Variants in TBL1XR1 observed in about 807,000 individuals in gnomAD.
TBL1XR1 encodes F-box-like/WD repeat-containing protein TBL1XR1.
Under a neutral mutation model 66.9 loss-of-function variants are expected in TBL1XR1, and 5 were observed. That is an observed-to-expected ratio of 0.07 (90% confidence interval 0.04 to 0.16). The LOEUF (loss-of-function observed/expected upper bound fraction) is 0.16. Ranked by LOEUF, TBL1XR1 falls within the 10% of genes least tolerant of loss-of-function variation. The pLI, the probability that TBL1XR1 is intolerant of heterozygous loss-of-function variation, is 1.00. For missense variants in TBL1XR1, 238 were observed against 623.2 expected (o/e 0.38, Z 6.58); for synonymous variants, 210 against 206.0 (o/e 1.02, Z -0.17).
intron 1 of TBL1XR1, among the ~76,000 whole-genome samples, chr3:177,146,576 C>T (rs1366201908): frequency 5.3e-4 from 17 of 32,176 alleles, no homozygotes; most frequent in Admixed American, 3.4e-3. Flanking sequence ...GGCAGCTGAG[C>T]GAGACTCCAT....
intron 1 of TBL1XR1, among the ~76,000 whole-genome samples, chr3:177,163,485 G>A (rs1732460097): frequency 6.6e-6 from 1 of 151,718 alleles, no homozygotes. Context: ...ATCCAGCCTG[G>A]GCAACAAGAG....
At position 177,149,160 on chromosome 3, in the gene TBL1XR1, G is replaced by A. The variant is rs546416233; in HGVS notation, c.-122+47961C>T. ...CAACAGCCAATGCTAGCCATTTCCCGGTGATTGCAATGCGGAGTACCTGTC... is the reference window on the plus strand; with the variant it reads ...CAACAGCCAATGCTAGCCATTTCCCAGTGATTGCAATGCGGAGTACCTGTC... On this transcript the variant is annotated intron_variant, in intron 1 of 15. Coordinates refer to ENST00000457928, the MANE Select transcript of TBL1XR1 (RefSeq NM_024665.7). Among the ~76,000 whole-genome samples, 27 of 152,288 alleles carry A rather than the reference G, an allele frequency of 1.8e-4. No individual in the cohort carries two copies. In the South Asian group the frequency reaches 2.3e-3, roughly 13 times the overall value.
At chr3:177,089,795 AATCT>A (rs1389040002) in intron 2 of TBL1XR1, among the ~76,000 whole-genome samples, 6 of 152,344 alleles carry the variant, frequency 3.9e-5, no homozygotes, top group South Asian at 2.1e-4. Flanking sequence ...GGAAAATAAG[AATCT>A]ATCTGTGGAA....
At chr3:177,168,283 CTTTT>C (rs11307636) in intron 1 of TBL1XR1, among the ~76,000 whole-genome samples, 1 of 142,780 alleles carries the variant, frequency 7.0e-6, no homozygotes, top group Non-Finnish European at 1.5e-5. Context: ...GGAAATAAAC[CTTTT>C]TTTTTTTTTT....
chr3:177,131,453 A>T (rs909086870), intron 1 of TBL1XR1: 1 of 913,870 alleles, frequency 1.1e-6, no homozygotes, highest in Non-Finnish European at 1.3e-6. Flanking sequence ...CCCACACCTA[A>T]AAGTTGAGAA....
intron 1 of TBL1XR1, among the ~76,000 whole-genome samples, chr3:177,124,685 A>G (rs747136517): frequency 6.6e-6 from 1 of 152,112 alleles, no homozygotes; most frequent in Non-Finnish European, 1.5e-5. Context: ...AAGGGAACAC[A>G]GTGCTTAACT....
intron 1 of TBL1XR1, among the ~76,000 whole-genome samples, chr3:177,189,178 A>G (rs1735806123): frequency 6.6e-6 from 1 of 151,544 alleles, no homozygotes; most frequent in African/African-American, 2.4e-5. Context: ...ACTGCACTCC[A>G]GCTTAGGCAA....
chr3:177,038,383 C>A lies in TBL1XR1; in HGVS notation c.977G>T (p.Ser326Ile), dbSNP rs1135401760. ...ACAGACATGAATGCACATATCTGTACTACAAGAAGCAAAGGTGTTGTTGCT... is the reference window on the plus strand; with the variant it reads ...ACAGACATGAATGCACATATCTGTAATACAAGAAGCAAAGGTGTTGTTGCT... ...WQSNNTFASC[S>I]TDMCIHVCKL... Residue 326 changes from serine (S) to isoleucine (I), a missense_variant, in exon 11 of 16, where the codon AGT becomes ATT. By Grantham distance (142) the Ser-to-Ile change is moderately radical (BLOSUM62 -2). Transcript: ENST00000457928. 1 of 1,580,632 alleles carries A rather than the reference C, an allele frequency of 6.3e-7. No individual in the cohort carries two copies. The highest frequency in any genetic ancestry group is 8.6e-7 in the Non-Finnish European group (1 of 1,161,430).
intron 1 of TBL1XR1, among the ~76,000 whole-genome samples, chr3:177,151,120 G>A (rs1730831995): frequency 6.6e-6 from 1 of 152,204 alleles, no homozygotes; most frequent in South Asian, 2.1e-4. Flanking sequence ...CTGTGGTGAA[G>A]AGAAAGTTGA....
At position 177,025,449 on chromosome 3, in the gene TBL1XR1, T is replaced by C; in HGVS notation, c.*49A>G. 2 of 1,605,180 alleles carry C rather than the reference T, an allele frequency of 1.2e-6. No individual in the cohort carries two copies. Among genetic ancestry groups the C allele is most frequent in the Non-Finnish European group, 1.7e-6 (2 of 1,173,988 alleles). The stretch of plus-strand genomic sequence containing the variant: ...AGTACATGGGTCAGGGACAGTCATT[T>C]TGGCTATGTACACATTCATAGTCGG... On this transcript the variant is annotated 3_prime_UTR_variant, in exon 16 of 16. Transcript: ENST00000457928.
intron 2 of TBL1XR1, 81 bp downstream of exon 2, chr3:177,098,385 G>T (rs1723770230): frequency 2.5e-6 from 2 of 808,508 alleles, no homozygotes; most frequent in Non-Finnish European, 3.0e-6. Context: ...TTGTCAAATT[G>T]TGAGAAACTT....
At chr3:177,082,738 T>TTTTATATATATATATA (rs1450061640) in intron 2 of TBL1XR1, among the ~76,000 whole-genome samples, 885 of 63,196 alleles carry the variant, frequency 0.014, 117 homozygotes, top group East Asian at 0.076. Context: ...AAGATAGAGA[T>TTTTATATATATATATA]TATATATATA....
intron 14 of TBL1XR1, 75 bp downstream of exon 14, chr3:177,032,896 G>T: frequency 1.7e-6 from 2 of 1,209,770 alleles, no homozygotes; most frequent in South Asian, 6.6e-5. Flanking sequence ...CAACCAAATG[G>T]TGAGGCAGAG....
intron 1 of TBL1XR1, among the ~76,000 whole-genome samples, chr3:177,177,233 C>T (rs1033627013): frequency 2.0e-5 from 3 of 152,166 alleles, no homozygotes; most frequent in Admixed American, 6.5e-5. Flanking sequence ...AGGCGGATCA[C>T]GAGGTCAGGA....
chr3:177,174,739 C>T (rs1733962570), intron 1 of TBL1XR1, among the ~76,000 whole-genome samples: 1 of 152,196 alleles, frequency 6.6e-6, no homozygotes, highest in African/African-American at 2.4e-5. Flanking sequence ...ACCTATTACA[C>T]TACTACCAGC....
chr3:177,152,750 A>G (rs1316113544), intron 1 of TBL1XR1, among the ~76,000 whole-genome samples: 2 of 152,074 alleles, frequency 1.3e-5, no homozygotes, highest in Non-Finnish European at 2.9e-5. Context: ...TTGATAGCCC[A>G]TTTACTTTGT....
chr3:177,135,379 A>G lies in TBL1XR1; in HGVS notation c.-121-36838T>C, dbSNP rs1460498415. Among the ~76,000 whole-genome samples the G allele has an allele frequency of 4.6e-4, 12 of 26,370 alleles. No individual in the cohort carries two copies. The South Asian group carries it at 6.2e-3, about 14-fold the overall frequency. The allele number at this position is 26,370 out of a possible 152,430, so 17.3% of individuals were successfully genotyped here. A position where few individuals can be genotyped will look rare whatever the true frequency, so the allele number is the denominator to read the frequency against. On this transcript the variant is annotated intron_variant, in intron 1 of 15. Coordinates refer to ENST00000457928, the MANE Select transcript of TBL1XR1 (RefSeq NM_024665.7). ...TATATATATATATATATATATATAT[A>G]TATGTATGTATTTTTTTTTTAAGAG... is the stretch of plus-strand genomic sequence containing the variant.
rs1219641116 is a variant in TBL1XR1 at position 177,031,565 on chromosome 3, A to C, written c.1416+1406T>G. Among the ~76,000 whole-genome samples, 3 of 150,460 alleles carry C rather than the reference A, an allele frequency of 2.0e-5. No homozygotes were observed. The East Asian group carries it at 6.1e-4, about 31-fold the overall frequency. The stretch of plus-strand genomic sequence containing the variant: ...CAGCTGGTCTTGAACTCCTGACCTC[A>C]AGAGAACTGCCCGCCTTGGCCTCCC... On this transcript the variant is annotated intron_variant, in intron 14 of 15. Transcript: ENST00000457928.
chr3:177,167,625 G>C (rs1346365375), intron 1 of TBL1XR1, among the ~76,000 whole-genome samples: 2 of 152,100 alleles, frequency 1.3e-5, no homozygotes. Context: ...ACCTAAAACT[G>C]CTCTTTAAAA....
Sources: gnomAD v4.1 joint callset for allele counts (sites outside exome capture counted in the v4.1 genomes callset) on GRCh38, gnomAD v4.1.1 for gene constraint, MANE v1.5 for transcripts, NCBI Gene and HGNC (gene_info 2026-07-23, HGNC 2026-07-21) for gene names.